RBBP4: variants seen among roughly 807,000 people sequenced by gnomAD.
The protein encoded by RBBP4 is histone-binding protein RBBP4.
Under a neutral mutation model 57.2 loss-of-function variants are expected in RBBP4, and 3 were observed. The observed-to-expected ratio is 0.05, with a 90% CI of 0.02 to 0.14. The LOEUF (loss-of-function observed/expected upper bound fraction) is 0.14, where lower values mean the gene tolerates loss of function less well. Among genes scored for constraint, RBBP4 ranks in the 10% least tolerant of loss-of-function variants. RBBP4 has a pLI of 1.00. For synonymous variants in RBBP4, 151 were observed against 171.5 expected, an observed-to-expected ratio of 0.88 and a Z score of 0.93; for missense variants, 107 against 520.6, an observed-to-expected ratio of 0.21 and a Z score of 7.73.
chr1:32,669,955 T>A lies in RBBP4; in HGVS notation c.966+392T>A, dbSNP rs983063593. Among the ~76,000 whole-genome samples, 1 of 152,244 alleles carries A rather than the reference T, an allele frequency of 6.6e-6. No individual in the cohort carries two copies. The highest frequency in any genetic ancestry group is 2.4e-5 in the African/African-American group (1 of 41,474). ...GCACACATGTGCTTTATGCCGTTGC[T>A]AAAAATAGAAATCTATATGCCTATG... On this transcript the variant is annotated intron_variant, in intron 8 of 11. Transcript: ENST00000373493. The surrounding 1 kb of genome is among the most constrained non-coding windows in gnomAD (Gnocchi z 4.9).
chr1:32,677,250 T>A (rs1297670818), intron 11 of RBBP4, among the ~76,000 whole-genome samples: 1 of 152,096 alleles, frequency 6.6e-6, no homozygotes, highest in East Asian at 1.9e-4. Flanking sequence ...AATCACTTGA[T>A]TTGAGGGTTA....
rs1005704034 is a variant in RBBP4 at position 32,681,494 on chromosome 1, A to G, written c.*1789A>G. 3.7e-6 allele frequency: 1 copy of G among 270,516 alleles called. No individual in the cohort carries two copies. Among genetic ancestry groups the G allele is most frequent in the Non-Finnish European group, 6.9e-6 (1 of 145,172 alleles). 16.8% of individuals were successfully genotyped at this position (270,516 alleles called of 1,614,324 possible). ...TTTTGGTTTGGGTCAACACAAGGCA[A>G]GATACATTCTTTAAAATACTCCCAG... On this transcript the variant is annotated 3_prime_UTR_variant, in exon 12 of 12. Coordinates refer to ENST00000373493, the MANE Select transcript of RBBP4 (RefSeq NM_005610.3).
chr1:32,660,175 T>C (rs641082), intron 3 of RBBP4, among the ~76,000 whole-genome samples: 148,090 of 152,166 alleles, frequency 0.97, 72,187 homozygotes, highest in East Asian at 1. Flanking sequence ...AAATTATACC[T>C]TCTCCACCCA....
chr1:32,669,776 G>T lies in RBBP4; in HGVS notation c.966+213G>T, dbSNP rs1032737347. The stretch of plus-strand genomic sequence containing the variant: ...ATGGTGGCGGATGCCCGTAGTCCCA[G>T]CTACTCGGGAGGCTGAGGCAGGAGA... On this transcript the variant is annotated intron_variant, in intron 8 of 11. Transcript: ENST00000373493. The surrounding 1 kb of genome is among the most constrained non-coding windows in gnomAD (Gnocchi z 4.9). Among the ~76,000 whole-genome samples, 13 of 152,150 alleles carry T rather than the reference G, an allele frequency of 8.5e-5. No homozygotes were observed. Among genetic ancestry groups the T allele is most frequent in the African/African-American group, 3.1e-4 (13 of 41,426 alleles).
chr1:32,673,758 A>G (rs1250646371), intron 11 of RBBP4, among the ~76,000 whole-genome samples: 1 of 152,056 alleles, frequency 6.6e-6, no homozygotes, highest in Non-Finnish European at 1.5e-5. Flanking sequence ...AAAGCACTTC[A>G]ATTTAATAAA....
intron 3 of RBBP4, among the ~76,000 whole-genome samples, chr1:32,662,537 C>CGG (rs1379635114): frequency 2.6e-5 from 4 of 151,750 alleles, no homozygotes; most frequent in Admixed American, 6.6e-5. Context: ...CCACCACACC[C>CGG]GGCTAATTTT....
At chr1:32,654,521 A>G (rs1439117081) in intron 2 of RBBP4, among the ~76,000 whole-genome samples, 1 of 152,236 alleles carries the variant, frequency 6.6e-6, no homozygotes, top group Non-Finnish European at 1.5e-5. Flanking sequence ...TAAACATTCT[A>G]GAACCCCTAC....
At chr1:32,668,181 A>G (rs1347830714) in intron 3 of RBBP4, 44 bp from the exon 4 acceptor site, 3 of 1,561,392 alleles carry the variant, frequency 1.9e-6, no homozygotes, top group Non-Finnish European at 2.6e-6. Context: ...TAACCTCTAG[A>G]GTAGCTCTTG....
chr1:32,669,178 T>C lies in RBBP4; in HGVS notation c.761+46T>C. On this transcript the variant is annotated intron_variant, in intron 6 of 11. Transcript: ENST00000373493. This position sits in a 1 kb window ranked among gnomAD's most constrained non-coding sequence, Gnocchi z 4.9. ...GTTTCTAAATATCTTGTCTAAGTTT[T>C]ATGTTTAGTCACCATTTCAAGGTTT... 14 of 1,611,470 alleles carry C rather than the reference T, an allele frequency of 8.7e-6. No individual in the cohort carries two copies. Among genetic ancestry groups the C allele is most frequent in the Non-Finnish European group, 1.2e-5 (14 of 1,179,182 alleles).
chr1:32,673,494 A>G (rs919321881), intron 11 of RBBP4: 13 of 424,192 alleles, frequency 3.1e-5, no homozygotes, highest in East Asian at 1.6e-4. Context: ...CTGGAGTGCA[A>G]TGGTGCAATC....
intron 11 of RBBP4, 114 bp from the exon 12 acceptor site, chr1:32,679,526 G>A (rs1480945246): frequency 1.1e-6 from 1 of 876,728 alleles, no homozygotes; most frequent in Non-Finnish European, 1.7e-6. Context: ...CAGATTGTGT[G>A]GCCCAAAAGC....
chr1:32,662,182 GT>G, intron 3 of RBBP4: 22 of 318,740 alleles, frequency 6.9e-5, no homozygotes, highest in Middle Eastern at 1.2e-3. Context: ...CCGCGCCCGG[GT>G]TTTTTTGTTT....
At position 32,679,506 on chromosome 1, in the gene RBBP4, AGTT is replaced by A. The variant is rs534449263; in HGVS notation, c.1213-131_1213-129del. On this transcript the variant is annotated intron_variant, in intron 11 of 11. Coordinates refer to ENST00000373493, the MANE Select transcript of RBBP4 (RefSeq NM_005610.3). The stretch of plus-strand genomic sequence containing the variant: ...GGATACTTTCATCCAAGAGTTGAAT[AGTT>A]GTAACACAGATTGTGTGGCCCAAAA... The A allele has an allele frequency of 7.4e-5, 48 of 647,186 alleles. No individual in the cohort carries two copies. In the African/African-American group the frequency reaches 7.8e-4, roughly 10 times the overall value. 40.1% of individuals were successfully genotyped at this position (647,186 alleles called of 1,614,324 possible). A position where few individuals can be genotyped will look rare whatever the true frequency, so the allele number is the denominator to read the frequency against.
chr1:32,680,374 T>TAA lies in RBBP4; in HGVS notation c.*669_*670insAA. 1 of 1,148,448 alleles carries TAA rather than the reference T, an allele frequency of 8.7e-7. No homozygotes were observed. Among genetic ancestry groups the TAA allele is most frequent in the South Asian group, 3.9e-5 (1 of 25,902 alleles). The allele number at this position is 1,148,448 out of a possible 1,614,324, so 71.1% of individuals were successfully genotyped here. A position where few individuals can be genotyped will look rare whatever the true frequency, so the allele number is the denominator to read the frequency against. ...TGTTGTTGGTTTTTTTTTTTTTTTT[T>TAA]TTAACTTGGGACCACCAAGTTGTAA... On this transcript the variant is annotated 3_prime_UTR_variant, in exon 12 of 12. Transcript: ENST00000373493.
rs1433815491 is a variant in RBBP4 at position 32,682,939 on chromosome 1, A to C, written c.*3234A>C. ...GTAAAACATTGGGGGAGGGATCCTG[A>C]GTAGGTGATTGGTCAGAAAGATGCC... On this transcript the variant is annotated 3_prime_UTR_variant, in exon 12 of 12. Coordinates refer to ENST00000373493, the MANE Select transcript of RBBP4 (RefSeq NM_005610.3). 6.6e-6 allele frequency: 1 copy of C among 152,074 alleles called. No homozygotes were observed. Among genetic ancestry groups the C allele is most frequent in the Non-Finnish European group, 1.5e-5 (1 of 68,048 alleles). 9.4% of individuals were successfully genotyped at this position (152,074 alleles called of 1,614,324 possible).
At chr1:32,660,109 T>C (rs1477361560) in intron 3 of RBBP4, among the ~76,000 whole-genome samples, 1 of 152,224 alleles carries the variant, frequency 6.6e-6, no homozygotes, top group East Asian at 1.9e-4. Context: ...TTACATCTCC[T>C]GTTTATTTAT....
chr1:32,673,442 CT>C (rs201749130), intron 11 of RBBP4: 20 of 366,624 alleles, frequency 5.5e-5, no homozygotes, highest in African/African-American at 3.5e-4. Flanking sequence ...TAAATTTTCT[CT>C]TTTTTTTTTT....
At chr1:32,664,346 C>T (rs991367513) in intron 3 of RBBP4, among the ~76,000 whole-genome samples, 2 of 152,108 alleles carry the variant, frequency 1.3e-5, no homozygotes, top group African/African-American at 2.4e-5. Flanking sequence ...CTGAAATAAC[C>T]AATGTTATGT....
chr1:32,659,174 C>A (rs962987468), intron 3 of RBBP4, among the ~76,000 whole-genome samples: 7 of 148,858 alleles, frequency 4.7e-5, no homozygotes, highest in Admixed American at 6.8e-5. Flanking sequence ...TACACACACA[C>A]AATATAAATG....
Sources: gnomAD v4.1 joint callset for allele counts (sites outside exome capture counted in the v4.1 genomes callset) on GRCh38, gnomAD v4.1.1 for gene constraint, Gnocchi (gnomAD v3.1) non-coding constraint, MANE v1.5 for transcripts, NCBI Gene and HGNC (gene_info 2026-07-23, HGNC 2026-07-21) for gene names.